FAM161B: variants seen among roughly 807,000 people sequenced by gnomAD.
FAM161B encodes the protein protein FAM161B.
In FAM161B, 46 loss-of-function variants were observed where a neutral mutation model predicts 61.5. That is an observed-to-expected ratio of 0.75 (90% CI 0.59 to 0.96). The LOEUF (loss-of-function observed/expected upper bound fraction) is 0.96. Ranked by LOEUF, FAM161B falls within the 40% of genes least tolerant of loss-of-function variation. The probability of loss-of-function intolerance (pLI) is 0.00; values close to 1 mark genes in which losing one functional copy is unlikely to be tolerated. For missense variants in FAM161B, 774 were observed against 800.7 expected (o/e 0.97, Z 0.40); for synonymous variants, 284 against 302.7 (o/e 0.94, Z 0.64).
Position 73,946,308 on chromosome 14 carries a change from C to A in FAM161B, c.352G>T (p.Val118Phe). Residue 118 changes from valine (V) to phenylalanine (F), a missense_variant, in exon 2 of 9, where the codon GTC (valine) becomes TTC (phenylalanine). Transcript: ENST00000286544. ...FQDKDRGMVQ[V>F]QCPQALRCGS... ...TACCTCAGAGCCTGCGGGCACTGGA[C>A]CTGCACCATCCCCCTGTCCTTGTCT... is the stretch of plus-strand genomic sequence containing the variant. The A allele has an allele frequency of 6.2e-7, 1 of 1,613,916 alleles. No individual in the cohort carries two copies. Among genetic ancestry groups the A allele is most frequent in the South Asian group, 1.1e-5 (1 of 91,060 alleles).
intron 2 of FAM161B, 64 bp from the exon 3 acceptor site, chr14:73,944,949 C>T: frequency 7.3e-7 from 1 of 1,361,790 alleles, no homozygotes; most frequent in Non-Finnish European, 9.6e-7. Context: ...TCCCTCCAGA[C>T]CTCCTCCCCA....
chr14:73,938,141 A>T lies in FAM161B; in HGVS notation c.1401-29T>A, dbSNP rs777753288. 74 of 1,612,094 alleles carry T rather than the reference A, an allele frequency of 4.6e-5. No individual in the cohort carries two copies. In the African/African-American group the frequency reaches 8.7e-4, roughly 19 times the overall value. ...AAGGAAGGAGGCAGAAAAAGAGTAT[A>T]GATTACCAACCTGGGTATACTGAAA... On this transcript the variant is annotated intron_variant, in intron 5 of 8. Coordinates refer to ENST00000286544, the MANE Select transcript of FAM161B (RefSeq NM_152445.3).
Position 73,935,940 on chromosome 14 carries a change from T to C in FAM161B, c.1805+9A>G. ...AGAGCTGCAGAATGACAGCAACATT[T>C]CAGGTTACCTGGGAAAATCCTTGAT... On this transcript the variant is annotated intron_variant, in intron 8 of 8. Coordinates refer to ENST00000286544, the MANE Select transcript of FAM161B (RefSeq NM_152445.3). The C allele has an allele frequency of 6.2e-7, 1 of 1,605,996 alleles. No homozygotes were observed. Among genetic ancestry groups the C allele is most frequent in the Non-Finnish European group, 8.5e-7 (1 of 1,174,560 alleles).
chr14:73,931,819 G>A, downstream of FAM161B: 1 of 464,074 alleles, frequency 2.2e-6, no homozygotes, highest in Admixed American at 3.1e-5. Context: ...GACCAAAAGT[G>A]AATTTGATTA....
At chr14:73,932,040 C>G (rs762237636), downstream of FAM161B, 42 of 456,248 alleles carry the variant, frequency 9.2e-5, no homozygotes, top group Admixed American at 9.9e-4. Context: ...CTTTAGCAAC[C>G]TGAGTAAGAG....
At chr14:73,946,632 G>A in intron 1 of FAM161B, 27 bp from the exon 2 acceptor site, 5 of 1,591,434 alleles carry the variant, frequency 3.1e-6, no homozygotes, top group Non-Finnish European at 4.3e-6. Context: ...ATAGGCTGTG[G>A]GTCAAACAAT....
At chr14:73,932,051 ACT>A (rs2055924272), downstream of FAM161B, 2 of 455,266 alleles carry the variant, frequency 4.4e-6, no homozygotes, top group Admixed American at 2.4e-5. Context: ...TGAGTAAGAG[ACT>A]CTCTGCCACT....
At chr14:73,931,362 G>C (rs8004396), downstream of FAM161B, 35,065 of 663,094 alleles carry the variant, frequency 0.053, 1,397 homozygotes, top group African/African-American at 0.14. Flanking sequence ...GTCCGTGCAT[G>C]TGTTTGCTTT....
intron 4 of FAM161B, 57 bp from the exon 5 acceptor site, chr14:73,941,110 T>TA: frequency 4.9e-6 from 1 of 204,464 alleles, no homozygotes; most frequent in Non-Finnish European, 7.4e-6. Flanking sequence ...GTTTCTATCT[T>TA]TTTTTTTTTT....
chr14:73,948,191 T>A (rs892380485), intron 1 of FAM161B, among the ~76,000 whole-genome samples: 1 of 152,244 alleles, frequency 6.6e-6, no homozygotes, highest in Non-Finnish European at 1.5e-5. Flanking sequence ...CCCAAAGTGC[T>A]GGGATTACAG....
At chr14:73,940,865 G>A (rs2056011675) in intron 5 of FAM161B, 61 bp downstream of exon 5, 2 of 1,549,964 alleles carry the variant, frequency 1.3e-6, no homozygotes. Flanking sequence ...CCTTGGCAGG[G>A]AGGTTTCCAG....
At chr14:73,924,753 T>G in the FAM161B span, 1 of 423,950 alleles carries the variant, frequency 2.4e-6, no homozygotes. Flanking sequence ...CTCGGCTCAC[T>G]GCAACCTCTG....
chr14:73,934,182 G>A lies in FAM161B; in HGVS notation c.*74C>T. 6.4e-7 allele frequency: 1 copy of A among 1,552,956 alleles called. No homozygotes were observed. The highest frequency in any genetic ancestry group is 8.7e-7 in the Non-Finnish European group (1 of 1,150,160). ...ACAGTAGCCATGACTCAAAACCCAA[G>A]TTTTCCCTGCCTTGACTCAAACCCA... On this transcript the variant is annotated 3_prime_UTR_variant, in exon 9 of 9. Transcript: ENST00000286544.
intron 3 of FAM161B, among the ~76,000 whole-genome samples, chr14:73,943,288 T>C (rs940809991): frequency 3.3e-5 from 5 of 152,230 alleles, no homozygotes; most frequent in Non-Finnish European, 7.3e-5. Flanking sequence ...TACTGAATTG[T>C]GAAATAGCTT....
intron 1 of FAM161B, among the ~76,000 whole-genome samples, chr14:73,949,430 G>C (rs542700732): frequency 6.6e-6 from 1 of 151,990 alleles, no homozygotes; most frequent in Non-Finnish European, 1.5e-5. Context: ...ATGGAAACCA[G>C]CCTGGTCTCG....
rs760335616 is a variant in FAM161B, at chr14:73,946,366, AG to A, written c.293del (p.Ser98LeufsTer27). ...QSDPESDENL[S>X]EDEEDLESFF... Reference sequence around the variant, plus strand: ...AACTCTCCAGGTCCTCCTCATCTTCAGAGAGGTTTTCATCACTCTCTGGGTC... The same window carrying A: ...AACTCTCCAGGTCCTCCTCATCTTCAAGAGGTTTTCATCACTCTCTGGGTC... On this transcript the variant is annotated frameshift_variant, in exon 2 of 9. Coordinates refer to ENST00000286544, the MANE Select transcript of FAM161B (RefSeq NM_152445.3). LOFTEE classifies it high-confidence loss of function. 1.2e-6 allele frequency: 2 copies of A among 1,614,178 alleles called. No individual in the cohort carries two copies. The highest frequency in any genetic ancestry group is 1.7e-6 in the Non-Finnish European group (2 of 1,180,034).
the FAM161B span, among the ~76,000 whole-genome samples, chr14:73,926,397 T>C: frequency 2.0e-5 from 3 of 151,382 alleles, no homozygotes; most frequent in Non-Finnish European, 4.4e-5. Flanking sequence ...TTCAGTATGG[T>C]TATCTATTTA....
At chr14:73,925,521 A>T in the FAM161B span, among the ~76,000 whole-genome samples, 1 of 151,624 alleles carries the variant, frequency 6.6e-6, no homozygotes, top group Non-Finnish European at 1.5e-5. Context: ...TCCGCCTCTC[A>T]GGTTCAAGCA....
rs1361303682 is a variant in FAM161B, at chr14:73,940,982, G to A, written c.1344C>T (p.Ala448=). 1 of 1,613,918 alleles carries A rather than the reference G, an allele frequency of 6.2e-7. No individual in the cohort carries two copies. Residue 448 remains alanine (A), a synonymous_variant, in exon 5 of 9, where the codon GCC becomes GCT. Coordinates refer to ENST00000286544, the MANE Select transcript of FAM161B (RefSeq NM_152445.3). The stretch of plus-strand genomic sequence containing the variant: ...CTGTGATGTGCACAGGGAGAGTGTT[G>A]GCAGAGAGGGAAGCAAGGCCGCTCA... The part of the protein sequence containing the change: ...RSLSGLASLS[A]NTLPVHITDA...
Sources: allele counts gnomAD v4.1 joint callset (sites outside exome capture counted in the v4.1 genomes callset), GRCh38; gene constraint gnomAD v4.1.1; transcripts MANE v1.5; gene names NCBI Gene and HGNC (gene_info 2026-07-23, HGNC 2026-07-21).